STK32B: variants seen among roughly 807,000 people sequenced by gnomAD.
The protein encoded by STK32B is serine/threonine-protein kinase 32B.
A neutral mutation model predicts 52.6 loss-of-function variants in STK32B; 43 were observed. The ratio of observed to expected loss-of-function variants is 0.82; its 90% CI spans 0.64 to 1.05. The LOEUF is 1.05. STK32B is among the 50% of genes least tolerant of loss of function. The pLI is 0.00. For synonymous variants in STK32B, 238 were observed against 204.3 expected (o/e 1.17, Z -1.41); for missense variants, 621 against 534.6 (o/e 1.16, Z -1.59).
the STK32B span, chr4:5,019,433 C>G: frequency 6.8e-7 from 1 of 1,473,094 alleles, no homozygotes; most frequent in Non-Finnish European, 8.9e-7. Context: ...GGCAGAGGCC[C>G]AGGCGTCCTC....
intron 1 of STK32B, among the ~76,000 whole-genome samples, chr4:5,068,143 GTTAACT>G (rs1560134864): frequency 6.6e-6 from 1 of 152,100 alleles, no homozygotes; most frequent in Non-Finnish European, 1.5e-5. Context: ...TCCATTGAAA[GTTAACT>G]TTCAATGGCA....
Position 5,399,877 on chromosome 4 carries a change from C to T in STK32B, c.472+1633C>T, listed in dbSNP as rs186192903. On this transcript the variant is annotated intron_variant, in intron 5 of 11. Coordinates refer to ENST00000282908, the MANE Select transcript of STK32B (RefSeq NM_018401.3). This position sits in a 1 kb window ranked among gnomAD's most constrained non-coding sequence, Gnocchi z 5.4. ...TCCCCTTTCTCTGCTCAGGGCCAGG[C>T]AAGGTCAAATCACAGAAGCAGGGTA... is the stretch of plus-strand genomic sequence containing the variant. 1.4e-3 allele frequency among the ~76,000 whole-genome samples: 220 copies of T among 152,232 alleles called. 1 individual carries two copies. The highest frequency in any genetic ancestry group is 1.8e-3 in the Non-Finnish European group (124 of 68,018).
Position 5,399,927 on chromosome 4 carries a change from G to T in STK32B, c.472+1683G>T, listed in dbSNP as rs1737181098. 2.0e-5 allele frequency among the ~76,000 whole-genome samples: 3 copies of T among 152,128 alleles called. No homozygotes were observed. On this transcript the variant is annotated intron_variant, in intron 5 of 11. Transcript: ENST00000282908. The surrounding 1 kb of genome is among the most constrained non-coding windows in gnomAD (Gnocchi z 5.4). ...AAAGAGGTGAGAAAACACAGAGGCT[G>T]GTTCTGCTTAGCTGTCTGGAAAGCA...
chr4:5,456,104 C>T (rs1345471998), intron 7 of STK32B, among the ~76,000 whole-genome samples: 1 of 152,166 alleles, frequency 6.6e-6, no homozygotes, highest in African/African-American at 2.4e-5. Context: ...GCACTCCAAG[C>T]CTTGTCCCCA....
chr4:5,075,766 C>G (rs1560138646), intron 1 of STK32B, among the ~76,000 whole-genome samples: 1 of 152,024 alleles, frequency 6.6e-6, no homozygotes. Flanking sequence ...CTTTATTCTG[C>G]AAATTCACTT....
intron 5 of STK32B, among the ~76,000 whole-genome samples, chr4:5,412,758 A>G (rs1207355211): frequency 1.3e-5 from 2 of 152,228 alleles, no homozygotes; most frequent in East Asian, 3.8e-4. Flanking sequence ...CCTAAATAAC[A>G]GTGGCTTAAA....
At chr4:5,059,215 C>G (rs1313161172) in intron 1 of STK32B, among the ~76,000 whole-genome samples, 1 of 151,924 alleles carries the variant, frequency 6.6e-6, no homozygotes, top group Non-Finnish European at 1.5e-5. Context: ...TCTTAAGCCA[C>G]TGAGATTTGG....
At chr4:5,353,450 C>G (rs1348672570) in intron 4 of STK32B, among the ~76,000 whole-genome samples, 1 of 146,946 alleles carries the variant, frequency 6.8e-6, no homozygotes, top group Non-Finnish European at 1.5e-5. Flanking sequence ...GCAATTAATA[C>G]AGTGAAGAGG....
At chr4:5,352,225 A>G (rs1258908037) in intron 4 of STK32B, among the ~76,000 whole-genome samples, 1 of 152,090 alleles carries the variant, frequency 6.6e-6, no homozygotes, top group African/African-American at 2.4e-5. Context: ...AAATCCAGCA[A>G]CACATCAAAA....
intron 3 of STK32B, among the ~76,000 whole-genome samples, chr4:5,237,342 AG>A (rs1038971081): frequency 8.5e-5 from 13 of 152,294 alleles, no homozygotes; most frequent in African/African-American, 3.1e-4. Context: ...GCATCAGATG[AG>A]GGCTTGGATG....
rs1299234585 is a variant in STK32B at position 5,380,589 on chromosome 4, G to C, written c.435-17618G>C. Among the ~76,000 whole-genome samples the C allele has an allele frequency of 6.6e-6, 1 of 152,172 alleles. No individual in the cohort carries two copies. Among genetic ancestry groups the C allele is most frequent in the Non-Finnish European group, 1.5e-5 (1 of 68,032 alleles). On this transcript the variant is annotated intron_variant, in intron 4 of 11. Transcript: ENST00000282908. This position sits in a 1 kb window ranked among gnomAD's most constrained non-coding sequence, Gnocchi z 4.3. ...AAGTCCCACCCCATAGGAGCAGCTG[G>C]GACTGAGTACCCATGACACGCAGAT...
chr4:5,278,843 A>G (rs757695862), intron 3 of STK32B, among the ~76,000 whole-genome samples: 1 of 152,170 alleles, frequency 6.6e-6, no homozygotes, highest in South Asian at 2.1e-4. Flanking sequence ...TTCACATGGC[A>G]GAGTAGGGAA....
chr4:5,233,987 T>G (rs1724449428), intron 3 of STK32B, among the ~76,000 whole-genome samples: 1 of 152,024 alleles, frequency 6.6e-6, no homozygotes, highest in Non-Finnish European at 1.5e-5. Flanking sequence ...TCTCTGGACC[T>G]CCCTGGGACT....
At chr4:5,186,600 C>T (rs1009496151) in intron 3 of STK32B, among the ~76,000 whole-genome samples, 1 of 152,078 alleles carries the variant, frequency 6.6e-6, no homozygotes, top group African/African-American at 2.4e-5. Flanking sequence ...TTTCAAACAC[C>T]CACCATGCCC....
chr4:5,153,828 T>C (rs576206255), intron 2 of STK32B, among the ~76,000 whole-genome samples: 7 of 152,304 alleles, frequency 4.6e-5, no homozygotes, highest in African/African-American at 1.7e-4. Flanking sequence ...AATATGAGTA[T>C]AGCAAGCTTG....
intron 1 of STK32B, among the ~76,000 whole-genome samples, chr4:5,105,509 C>T (rs1714047952): frequency 6.6e-6 from 1 of 152,050 alleles, no homozygotes; most frequent in Non-Finnish European, 1.5e-5. Context: ...GAGATTCTGG[C>T]TCTGTGATAG....
intron 1 of STK32B, among the ~76,000 whole-genome samples, chr4:5,087,623 TA>T (rs1712808443): frequency 6.6e-6 from 1 of 151,632 alleles, no homozygotes; most frequent in African/African-American, 2.4e-5. Flanking sequence ...CATGCAATAA[TA>T]AACAAAATAG....
intron 3 of STK32B, among the ~76,000 whole-genome samples, chr4:5,304,116 C>A (rs554059390): frequency 1.3e-5 from 2 of 152,030 alleles, no homozygotes; most frequent in Non-Finnish European, 2.9e-5. Flanking sequence ...TAATGCAGTG[C>A]CTCCAGATTT....
intron 1 of STK32B, chr4:5,127,189 A>G: frequency 4.2e-6 from 2 of 471,324 alleles, no homozygotes; most frequent in Non-Finnish European, 4.3e-6. Context: ...ATAAGCAAAC[A>G]TCTTCCATTA....
Sources: gnomAD v4.1 joint callset for allele counts (sites outside exome capture counted in the v4.1 genomes callset) on GRCh38, gnomAD v4.1.1 for gene constraint, Gnocchi (gnomAD v3.1) non-coding constraint, MANE v1.5 for transcripts, NCBI Gene and HGNC (gene_info 2026-07-23, HGNC 2026-07-21) for gene names.